The following SETD5 variants were observed in gnomAD, a reference collection of about 807,000 sequenced individuals.
The protein encoded by SETD5 is histone-lysine N-methyltransferase SETD5.
In SETD5, 44 loss-of-function variants were observed where a neutral mutation model predicts 153.3. That is an observed-to-expected ratio of 0.29 (90% CI 0.23 to 0.37). SETD5 has a LOEUF of 0.37. SETD5 is among the 10% of genes least tolerant of loss of function. The pLI is 1.00. For synonymous variants in SETD5, 716 were observed against 645.2 expected (o/e 1.11, Z -1.66); for missense variants, 1,544 against 1,768.0 (o/e 0.87, Z 2.27).
intron 3 of SETD5, chr3:9,431,036 G>A (rs2039900948): frequency 1.0e-6 from 1 of 985,180 alleles, no homozygotes; most frequent in African/African-American, 1.7e-5. Flanking sequence ...GTTTCATCAT[G>A]CCTATTTCGC....
Position 9,476,274 on chromosome 3 carries a change from T to A in SETD5, c.*183T>A. 2.6e-6 allele frequency: 2 copies of A among 777,504 alleles called. No homozygotes were observed. Among genetic ancestry groups the A allele is most frequent in the Non-Finnish European group, 4.0e-6 (2 of 503,156 alleles). The allele number at this position is 777,504 out of a possible 1,614,324, so 48.2% of individuals were successfully genotyped here. ...TGGCCTCTGGCCTTGGAGAAAGCTG[T>A]AAATCTTGTCTGAAGCAGAGACTAT... On this transcript the variant is annotated 3_prime_UTR_variant, in exon 23 of 23. Coordinates refer to ENST00000402198, the MANE Select transcript of SETD5 (RefSeq NM_001080517.3).
At chr3:9,403,676 A>C (rs148442886) in intron 1 of SETD5, among the ~76,000 whole-genome samples, 10 of 152,214 alleles carry the variant, frequency 6.6e-5, no homozygotes, top group Middle Eastern at 3.4e-3. Flanking sequence ...AGTTTAGGCA[A>C]CCTCTTTTGA....
chr3:9,460,306 G>C (rs2043802581), intron 17 of SETD5, among the ~76,000 whole-genome samples: 1 of 151,082 alleles, frequency 6.6e-6, no homozygotes, highest in African/African-American at 2.4e-5. Context: ...AACTTAATTA[G>C]ACATGTGGTA....
At chr3:9,418,183 T>C (rs1014535414) in intron 1 of SETD5, among the ~76,000 whole-genome samples, 1 of 150,028 alleles carries the variant, frequency 6.7e-6, no homozygotes, top group African/African-American at 2.5e-5. Flanking sequence ...CTCCTGACCT[T>C]GTGATCCTCC....
At chr3:9,452,107 CCATGGTAG>C (rs2042686465) in intron 16 of SETD5, among the ~76,000 whole-genome samples, 1 of 152,144 alleles carries the variant, frequency 6.6e-6, no homozygotes, top group Admixed American at 6.5e-5. Context: ...TCATAGCTAA[CCATGGTAG>C]CATCTTTCTT....
chr3:9,475,624 G>A lies in SETD5; in HGVS notation c.3862G>A (p.Gly1288Ser), dbSNP rs755607090. The A allele has an allele frequency of 2.7e-5, 44 of 1,613,702 alleles. 1 individual carries two copies. The South Asian group carries it at 4.0e-4, about 14-fold the overall frequency. ...ALRPGNPPSH[G>S]SSESSLSSTS... ...GAGACCTGGAAACCCCCCCTCTCAC[G>A]GTTCTTCAGAATCATCCCTCTCTTC... The change falls in exon 23 of 23, where the codon GGT becomes AGT. Residue 1288 changes from glycine to serine, a missense_variant. By Grantham distance (56) the Gly-to-Ser change is moderately conservative (BLOSUM62 0). Coordinates refer to ENST00000402198, the MANE Select transcript of SETD5 (RefSeq NM_001080517.3).
intron 13 of SETD5, among the ~76,000 whole-genome samples, chr3:9,446,058 TG>T (rs1199142563): frequency 7.4e-6 from 1 of 135,502 alleles, no homozygotes; most frequent in African/African-American, 2.8e-5. Flanking sequence ...GAGGGCGAGG[TG>T]GGCGGATCAC....
intron 16 of SETD5, among the ~76,000 whole-genome samples, chr3:9,453,520 C>T (rs1349831819): frequency 6.6e-6 from 1 of 152,110 alleles, no homozygotes; most frequent in South Asian, 2.1e-4. Context: ...TTGATGGGAT[C>T]TCATTATATG....
chr3:9,417,193 C>T (rs1648104913), intron 1 of SETD5, among the ~76,000 whole-genome samples: 2 of 152,120 alleles, frequency 1.3e-5, no homozygotes, highest in Admixed American at 6.5e-5. Context: ...GTTCACACCC[C>T]AGAGGTAGTG....
chr3:9,440,827 T>C, intron 8 of SETD5, 129 bp downstream of exon 8: 1 of 1,203,780 alleles, frequency 8.3e-7, no homozygotes, highest in East Asian at 2.6e-5. Flanking sequence ...AGCCAGGTGT[T>C]GATCATATGT....
At position 9,434,980 on chromosome 3, in the gene SETD5, T is replaced by TA. The variant is rs1412513347; in HGVS notation, c.388+99dup. On this transcript the variant is annotated intron_variant, in intron 6 of 22. Transcript: ENST00000402198. This position sits in a 1 kb window ranked among gnomAD's most constrained non-coding sequence, Gnocchi z 5.6. ...CCCCTCTTGGCCAGGCGCAGTGGCTTACGCCTGTAATCTCACCACTTAGGG... is the reference window on the plus strand; with the variant it reads ...CCCCTCTTGGCCAGGCGCAGTGGCTTAACGCCTGTAATCTCACCACTTAGGG... 1.1e-5 allele frequency: 16 copies of TA among 1,412,664 alleles called. No homozygotes were observed. The highest frequency in any genetic ancestry group is 1.5e-5 in the Non-Finnish European group (16 of 1,040,522). 87.5% of individuals were successfully genotyped at this position (1,412,664 alleles called of 1,614,324 possible). A position where few individuals can be genotyped will look rare whatever the true frequency, so the allele number is the denominator to read the frequency against.
At chr3:9,473,655 G>A in intron 20 of SETD5, 118 bp downstream of exon 20, 1 of 1,036,668 alleles carries the variant, frequency 9.6e-7, no homozygotes, top group Non-Finnish European at 1.4e-6. Context: ...ATCTGAGACA[G>A]CCAGCCAACA....
intron 1 of SETD5, among the ~76,000 whole-genome samples, chr3:9,420,238 G>T (rs1223432934): frequency 6.6e-6 from 1 of 151,872 alleles, no homozygotes; most frequent in East Asian, 1.9e-4. Flanking sequence ...ACAATATTTA[G>T]ATAATAATAA....
At chr3:9,444,131 G>A (rs1236191886) in intron 11 of SETD5, among the ~76,000 whole-genome samples, 3 of 152,172 alleles carry the variant, frequency 2.0e-5, no homozygotes, top group African/African-American at 7.2e-5. Context: ...TATAAAGCTA[G>A]GGGTGAGATT....
At position 9,476,975 on chromosome 3, in the gene SETD5, G is replaced by A. The variant is rs1219054294; in HGVS notation, c.*884G>A. Reference sequence around the variant, plus strand: ...ATACCGAGTGGTTTGGGAATGCTTCGAATTTTATTTTTTCTACTCCCAATT... The same window carrying A: ...ATACCGAGTGGTTTGGGAATGCTTCAAATTTTATTTTTTCTACTCCCAATT... On this transcript the variant is annotated 3_prime_UTR_variant, in exon 23 of 23. Coordinates refer to ENST00000402198, the MANE Select transcript of SETD5 (RefSeq NM_001080517.3). 1 of 152,598 alleles carries A rather than the reference G, an allele frequency of 6.6e-6. No homozygotes were observed. Among genetic ancestry groups the A allele is most frequent in the African/African-American group, 2.4e-5 (1 of 41,416 alleles). 9.5% of individuals were successfully genotyped at this position (152,598 alleles called of 1,614,324 possible).
chr3:9,441,415 A>G (rs558302276), intron 8 of SETD5, among the ~76,000 whole-genome samples, 178 bp from the exon 9 acceptor site: 2 of 150,066 alleles, frequency 1.3e-5, no homozygotes, highest in East Asian at 2.0e-4. Flanking sequence ...TAGATGTAGC[A>G]TGTCTCTTAG....
chr3:9,432,432 CT>C, intron 3 of SETD5: 1 of 298,644 alleles, frequency 3.3e-6, no homozygotes, highest in Non-Finnish European at 4.9e-6. Flanking sequence ...TATTGTATAT[CT>C]TTAAGCAGGA....
At chr3:9,442,452 G>A (rs1477447518) in intron 10 of SETD5, among the ~76,000 whole-genome samples, 1 of 152,070 alleles carries the variant, frequency 6.6e-6, no homozygotes, top group Non-Finnish European at 1.5e-5. Flanking sequence ...GGCAGAAATA[G>A]AAAAGAGCAA....
intron 8 of SETD5, 119 bp from the exon 9 acceptor site, chr3:9,441,474 A>G: frequency 2.2e-6 from 2 of 920,528 alleles, no homozygotes; most frequent in Non-Finnish European, 1.6e-6. Flanking sequence ...ATTGATCTAA[A>G]TAACATGTAC....
Sources: allele counts gnomAD v4.1 joint callset (sites outside exome capture counted in the v4.1 genomes callset), GRCh38; gene constraint gnomAD v4.1.1; non-coding constraint Gnocchi (gnomAD v3.1); transcripts MANE v1.5; gene names NCBI Gene and HGNC (gene_info 2026-07-23, HGNC 2026-07-21).